The following CSMD2 variants were observed in gnomAD, a reference collection of about 807,000 sequenced individuals.
The protein encoded by CSMD2 is CUB and sushi domain-containing protein 2.
A neutral mutation model predicts 398.5 loss-of-function variants in CSMD2; 130 were observed. The ratio of observed to expected loss-of-function variants is 0.33; its 90% CI spans 0.28 to 0.38. The LOEUF (loss-of-function observed/expected upper bound fraction) is 0.38. Among genes scored for constraint, CSMD2 ranks in the 10% least tolerant of loss-of-function variants. CSMD2 has a pLI of 1.00. For synonymous variants in CSMD2, 1,828 were observed against 1,908.5 expected (o/e 0.96, Z 1.10); for missense variants, 3,829 against 4,764.9 (o/e 0.80, Z 5.78).
intron 40 of CSMD2, among the ~76,000 whole-genome samples, chr1:33,612,686 T>C (rs1421729679): frequency 1.3e-5 from 2 of 151,238 alleles, no homozygotes; most frequent in Non-Finnish European, 3.0e-5. Flanking sequence ...GTGATGGTTT[T>C]TTTTTTTTTT....
chr1:33,583,865 G>T (rs758574946), intron 46 of CSMD2, 35 bp from the exon 47 acceptor site: 1 of 1,580,802 alleles, frequency 6.3e-7, no homozygotes, highest in South Asian at 1.1e-5. Context: ...AAGTACGTGG[G>T]GGTGGAGATG....
At chr1:33,878,776 G>C (rs187493456) in intron 5 of CSMD2, among the ~76,000 whole-genome samples, 1 of 152,334 alleles carries the variant, frequency 6.6e-6, no homozygotes, top group Non-Finnish European at 1.5e-5. Context: ...ATTGAGATAT[G>C]ACCTTTCCAA....
intron 55 of CSMD2, among the ~76,000 whole-genome samples, chr1:33,552,057 T>C (rs1282214778): frequency 6.6e-6 from 1 of 152,170 alleles, no homozygotes; most frequent in Non-Finnish European, 1.5e-5. Flanking sequence ...AGATGAGCTG[T>C]CTCTACTAAA....
At chr1:33,864,476 G>T in intron 5 of CSMD2, 1 of 1,614,080 alleles carries the variant, frequency 6.2e-7, no homozygotes, top group Non-Finnish European at 8.5e-7. Context: ...AACCCAGACG[G>T]CCTCCATCAT....
intron 29 of CSMD2, among the ~76,000 whole-genome samples, chr1:33,637,502 C>T (rs1642875215): frequency 6.6e-6 from 1 of 152,172 alleles, no homozygotes; most frequent in Non-Finnish European, 1.5e-5. Context: ...AGGACACTCT[C>T]CAGCATCCCT....
At chr1:33,531,959 T>C (rs1655275320) in intron 64 of CSMD2, among the ~76,000 whole-genome samples, 1 of 152,234 alleles carries the variant, frequency 6.6e-6, no homozygotes, top group African/African-American at 2.4e-5. Flanking sequence ...AAATTGTATA[T>C]TATGTATATT....
intron 25 of CSMD2, among the ~76,000 whole-genome samples, chr1:33,669,168 T>C (rs1035648098): frequency 1.3e-5 from 2 of 152,226 alleles, no homozygotes; most frequent in Non-Finnish European, 2.9e-5. Context: ...AAACCATGTC[T>C]GTCTGGTACC....
chr1:34,098,536 G>A (rs957593163), intron 1 of CSMD2, among the ~76,000 whole-genome samples: 1 of 151,878 alleles, frequency 6.6e-6, no homozygotes, highest in Non-Finnish European at 1.5e-5. Flanking sequence ...ATACTAAACA[G>A]CATCATAAAT....
intron 2 of CSMD2, among the ~76,000 whole-genome samples, chr1:34,073,214 G>A (rs74918834): frequency 0.29 from 43,397 of 152,178 alleles, 7,494 homozygotes; most frequent in Non-Finnish European, 0.39. Context: ...GTTTGCCTCC[G>A]GATGGCAAAT....
rs1223723699 is a variant in CSMD2 at position 33,537,193 on chromosome 1, A to G, written c.9806-98T>C. 7.3e-7 allele frequency: 1 copy of G among 1,372,612 alleles called. No individual in the cohort carries two copies. Among genetic ancestry groups the G allele is most frequent in the Non-Finnish European group, 1.0e-6 (1 of 969,732 alleles). The allele number at this position is 1,372,612 out of a possible 1,614,324, so 85.0% of individuals were successfully genotyped here. A position where few individuals can be genotyped will look rare whatever the true frequency, so the allele number is the denominator to read the frequency against. On this transcript the variant is annotated intron_variant, in intron 61 of 70. Transcript: ENST00000373381. The surrounding 1 kb of genome is among the most constrained non-coding windows in gnomAD (Gnocchi z 4.6). ...TAGGTGTAGAAAAGAAAATGCGGCC[A>G]CATCCTGACTTCCCTGCCCACTGAG...
At chr1:33,639,630 CACA>C (rs1270783095) in intron 29 of CSMD2, among the ~76,000 whole-genome samples, 1 of 152,184 alleles carries the variant, frequency 6.6e-6, no homozygotes, top group Non-Finnish European at 1.5e-5. Flanking sequence ...CCCTATTTGG[CACA>C]TAATAGAGGC....
chr1:33,827,140 C>T (rs1658920649), intron 6 of CSMD2, among the ~76,000 whole-genome samples: 1 of 152,176 alleles, frequency 6.6e-6, no homozygotes, highest in Non-Finnish European at 1.5e-5. Context: ...TCCCATTCTC[C>T]ACCCTTGTCC....
At chr1:33,654,204 C>T (rs902732011) in intron 27 of CSMD2, among the ~76,000 whole-genome samples, 6 of 152,174 alleles carry the variant, frequency 3.9e-5, no homozygotes, top group Middle Eastern at 3.2e-3. Context: ...GCATCTATTA[C>T]GTATTAGACT....
chr1:33,796,055 G>A (rs2124895905), intron 10 of CSMD2, among the ~76,000 whole-genome samples: 1 of 152,354 alleles, frequency 6.6e-6, no homozygotes, highest in East Asian at 1.9e-4. Context: ...CATACACAAT[G>A]TGTACATGAA....
At chr1:34,038,112 C>A (rs1651381394) in intron 2 of CSMD2, among the ~76,000 whole-genome samples, 1 of 152,180 alleles carries the variant, frequency 6.6e-6, no homozygotes, top group East Asian at 1.9e-4. Flanking sequence ...ATCGCTCCCC[C>A]ACCCACTTAT....
intron 5 of CSMD2, among the ~76,000 whole-genome samples, chr1:33,883,918 G>A (rs1050274139): frequency 3.3e-5 from 5 of 152,208 alleles, no homozygotes. Context: ...GCCCTAGAAG[G>A]AGGATGAGCT....
intron 25 of CSMD2, among the ~76,000 whole-genome samples, chr1:33,691,005 G>A (rs1025181541): frequency 2.0e-5 from 3 of 152,186 alleles, no homozygotes; most frequent in Admixed American, 6.5e-5. Context: ...ATGACCTCCC[G>A]GGTGAGCTGA....
intron 25 of CSMD2, among the ~76,000 whole-genome samples, chr1:33,667,319 A>T (rs1016565748): frequency 6.6e-6 from 1 of 152,196 alleles, no homozygotes. Context: ...TTCCATAACA[A>T]CCACTGTGTA....
chr1:33,814,832 A>G (rs1465649797), intron 9 of CSMD2, among the ~76,000 whole-genome samples: 1 of 152,066 alleles, frequency 6.6e-6, no homozygotes, highest in East Asian at 1.9e-4. Context: ...TTGGGTCTCA[A>G]TGCACCATTG....
Sources: gnomAD v4.1 joint callset for allele counts (sites outside exome capture counted in the v4.1 genomes callset) on GRCh38, gnomAD v4.1.1 for gene constraint, Gnocchi (gnomAD v3.1) non-coding constraint, MANE v1.5 for transcripts, NCBI Gene and HGNC (gene_info 2026-07-23, HGNC 2026-07-21) for gene names.